Variants in LHFPL3 observed in about 807,000 individuals in gnomAD.
The protein encoded by LHFPL3 is LHFPL tetraspan subfamily member 3 protein.
LHFPL3 carries 5 observed loss-of-function variants against 19.3 expected under a neutral mutation model. That is an observed-to-expected ratio of 0.26 (90% CI 0.14 to 0.54). LHFPL3 has a LOEUF of 0.54. Ranked by LOEUF, LHFPL3 falls within the 20% of genes least tolerant of loss-of-function variation. The pLI is 0.94. For synonymous variants in LHFPL3, 133 were observed against 126.2 expected, an observed-to-expected ratio of 1.05 and a Z score of -0.36; for missense variants, 249 against 307.4, an observed-to-expected ratio of 0.81 and a Z score of 1.42.
At chr7:104,389,917 G>GA (rs903057924) in intron 1 of LHFPL3, among the ~76,000 whole-genome samples, 2 of 151,976 alleles carry the variant, frequency 1.3e-5, no homozygotes, top group African/African-American at 4.8e-5. Flanking sequence ...AAAACTGCCA[G>GA]AAAAAATGTG....
chr7:104,580,358 A>C (rs1430535689), intron 1 of LHFPL3, among the ~76,000 whole-genome samples: 2 of 152,110 alleles, frequency 1.3e-5, no homozygotes, highest in Non-Finnish European at 2.9e-5. Context: ...AATGCAAGAA[A>C]AGTTTAAAGA....
chr7:104,627,378 T>G (rs1171193127), intron 1 of LHFPL3, among the ~76,000 whole-genome samples: 1 of 152,238 alleles, frequency 6.6e-6, no homozygotes, highest in Non-Finnish European at 1.5e-5. Context: ...CATCCATTAA[T>G]GGATGCTTAG....
intron 2 of LHFPL3, among the ~76,000 whole-genome samples, chr7:104,791,498 A>G (rs1459938417): frequency 6.6e-6 from 1 of 152,162 alleles, no homozygotes; most frequent in Non-Finnish European, 1.5e-5. Flanking sequence ...TCACATGATC[A>G]CTGTAGTTCA....
In LHFPL3 at chr7:104,793,242, G is replaced by A. The variant is rs1436943836; in HGVS notation, c.682+56331G>A. On this transcript the variant is annotated intron_variant, in intron 2 of 2. Transcript: ENST00000424859. ...AGTCAGAACATCCTTGCGCAACTGG[G>A]TGGTTAATAAAGCATGTACATTTAC... Among the ~76,000 whole-genome samples the A allele has an allele frequency of 2.0e-5, 3 of 152,130 alleles. No individual in the cohort carries two copies. In the South Asian group the frequency reaches 6.2e-4, roughly 32 times the overall value.
At position 104,328,788 on chromosome 7, in the gene LHFPL3, AGCCGCCGCCGCTGCCGCCGCC is replaced by A. The variant is rs753328186; in HGVS notation, c.21_41del (p.Ala8_Ala14del). ...GGAGGAGGAGGGGGAGAATGCCCGG[AGCCGCCGCCGCTGCCGCCGCC>A]GCCGCCGCCGCGATGCTCCCGGCTC... On this transcript the variant is annotated inframe_deletion, in exon 1 of 3. Transcript: ENST00000424859. This position sits in a 1 kb window ranked among gnomAD's most constrained non-coding sequence, Gnocchi z 4.6. 2.0e-4 allele frequency: 322 copies of A among 1,593,184 alleles called. No individual in the cohort carries two copies. The highest frequency in any genetic ancestry group is 2.4e-4 in the Non-Finnish European group (280 of 1,170,600).
intron 2 of LHFPL3, among the ~76,000 whole-genome samples, chr7:104,767,121 C>T (rs1376747432): frequency 6.6e-6 from 1 of 152,230 alleles, no homozygotes; most frequent in South Asian, 2.1e-4. Flanking sequence ...TAAGGTAGGA[C>T]TTCCTGAAGA....
chr7:104,342,900 T>A (rs1789984556), intron 1 of LHFPL3, among the ~76,000 whole-genome samples: 1 of 152,188 alleles, frequency 6.6e-6, no homozygotes, highest in African/African-American at 2.4e-5. Context: ...TGGCCACACA[T>A]AGTGTGCAGA....
chr7:104,359,230 A>G (rs1236376287), intron 1 of LHFPL3, among the ~76,000 whole-genome samples: 1 of 152,260 alleles, frequency 6.6e-6, no homozygotes, highest in Non-Finnish European at 1.5e-5. Flanking sequence ...CTCTTTTAGA[A>G]GCAACATTAA....
chr7:104,865,424 G>A (rs7778981), intron 2 of LHFPL3, among the ~76,000 whole-genome samples: 65,184 of 152,076 alleles, frequency 0.43, 16,124 homozygotes, highest in Non-Finnish European at 0.57. Context: ...ACTACATGAC[G>A]AATGCACAAG....
At chr7:104,456,401 G>C (rs1792541770) in intron 1 of LHFPL3, among the ~76,000 whole-genome samples, 1 of 152,158 alleles carries the variant, frequency 6.6e-6, no homozygotes, top group Non-Finnish European at 1.5e-5. Context: ...ACATAAGTGA[G>C]ACTAGTCAGT....
intron 1 of LHFPL3, among the ~76,000 whole-genome samples, chr7:104,651,689 T>G (rs972391382): frequency 4.6e-5 from 7 of 152,254 alleles, no homozygotes; most frequent in African/African-American, 1.7e-4. Context: ...GCCTGCATTA[T>G]AGTGATACAT....
chr7:104,508,359 A>G (rs542580648), intron 1 of LHFPL3, among the ~76,000 whole-genome samples: 140 of 150,972 alleles, frequency 9.3e-4, no homozygotes, highest in South Asian at 2.8e-3. Context: ...TATCACAAGA[A>G]CAAAAAACCA....
chr7:104,614,034 TC>T (rs1351088504), intron 1 of LHFPL3, among the ~76,000 whole-genome samples: 1 of 152,086 alleles, frequency 6.6e-6, no homozygotes, highest in East Asian at 1.9e-4. Flanking sequence ...GGCTCCCAGG[TC>T]CTTGAGAAAG....
At chr7:104,557,932 G>A (rs1789884142) in intron 1 of LHFPL3, among the ~76,000 whole-genome samples, 2 of 150,122 alleles carry the variant, frequency 1.3e-5, no homozygotes, top group South Asian at 2.1e-4. Context: ...TGCGGTGTTT[G>A]GTTTTTTGTT....
intron 1 of LHFPL3, among the ~76,000 whole-genome samples, chr7:104,513,190 T>C (rs546505043): frequency 3.9e-5 from 6 of 152,326 alleles, no homozygotes; most frequent in Admixed American, 1.3e-4. Context: ...ATTACAGTTA[T>C]AAGAAGATTG....
chr7:104,646,418 A>G (rs1791936657), intron 1 of LHFPL3, among the ~76,000 whole-genome samples: 1 of 152,246 alleles, frequency 6.6e-6, no homozygotes, highest in South Asian at 2.1e-4. Context: ...TAGCACTCCA[A>G]GTATGCACAA....
In LHFPL3 at chr7:104,547,356, G is replaced by GA. The variant is rs202232072; in HGVS notation, c.446-189318dup. On this transcript the variant is annotated intron_variant, in intron 1 of 2. Coordinates refer to ENST00000424859, the MANE Select transcript of LHFPL3 (RefSeq NM_199000.3). ...ATTAATGTATTCATCTGTCAGTGTA[G>GA]ATAGTTGCATTGGTTACTTCAAAAC... Among the ~76,000 whole-genome samples the GA allele has an allele frequency of 4.6e-3, 689 of 151,382 alleles. 5 individuals carry two copies. The highest frequency in any genetic ancestry group is 0.015 in the African/African-American group (635 of 41,142).
intron 1 of LHFPL3, among the ~76,000 whole-genome samples, chr7:104,424,825 A>G (rs958451368): frequency 6.6e-6 from 1 of 151,838 alleles, no homozygotes; most frequent in African/African-American, 2.4e-5. Flanking sequence ...CCCTGTCTCT[A>G]CAAAAAATTA....
chr7:104,363,723 G>A (rs1343636698), intron 1 of LHFPL3, among the ~76,000 whole-genome samples: 2 of 152,230 alleles, frequency 1.3e-5, no homozygotes, highest in East Asian at 3.9e-4. Context: ...TTGCCATTGG[G>A]ACTGCATATA....
Sources: gnomAD v4.1 joint callset for allele counts (sites outside exome capture counted in the v4.1 genomes callset) on GRCh38, gnomAD v4.1.1 for gene constraint, Gnocchi (gnomAD v3.1) non-coding constraint, MANE v1.5 for transcripts, NCBI Gene and HGNC (gene_info 2026-07-23, HGNC 2026-07-21) for gene names.